The following CLNS1A variants were observed in gnomAD, a reference collection of about 807,000 sequenced individuals.
CLNS1A encodes chloride nucleotide-sensitive channel 1A.
CLNS1A carries 16 observed loss-of-function variants against 29.4 expected under a neutral mutation model. That is an observed-to-expected ratio of 0.54 (90% CI 0.37 to 0.83). The LOEUF (loss-of-function observed/expected upper bound fraction) is 0.83, where lower values mean the gene tolerates loss of function less well. Among genes scored for constraint, CLNS1A ranks in the 40% least tolerant of loss-of-function variants. The pLI is 0.00. For synonymous variants in CLNS1A, 96 were observed against 104.8 expected (o/e 0.92, Z 0.51); for missense variants, 235 against 287.4 (o/e 0.82, Z 1.32).
intron 1 of CLNS1A, 106 bp from the exon 2 acceptor site, chr11:77,630,005 T>G (rs1959059191): frequency 5.4e-6 from 5 of 924,314 alleles, no homozygotes; most frequent in Non-Finnish European, 6.2e-6. Context: ...TATAAATAAA[T>G]TCAAGTTTAC....
In CLNS1A at chr11:77,625,795, C is replaced by T; in HGVS notation, c.286G>A (p.Asp96Asn). 2 of 1,590,948 alleles carry T rather than the reference C, an allele frequency of 1.3e-6. No individual in the cohort carries two copies. Among genetic ancestry groups the T allele is most frequent in the African/African-American group, 2.7e-5 (2 of 74,570 alleles). ...TCATCACTGTCTTCCTCTTCTTCAT[C>T]AGCAACAGGTTCTTTTGATTCTTCT... is the stretch of plus-strand genomic sequence containing the variant. ...FEEESKEPVA[D>N]EEEEDSDDDV... The change falls in exon 3 of 7, where the codon GAT becomes AAT. Residue 96 changes from aspartate (D) to asparagine (N), a missense_variant. Asp to Asn is a conservative substitution (Grantham distance 23). Coordinates refer to ENST00000525428, the MANE Select transcript of CLNS1A (RefSeq NM_001293.3).
intron 1 of CLNS1A, among the ~76,000 whole-genome samples, chr11:77,630,585 A>T (rs1055079997): frequency 1.3e-5 from 2 of 152,220 alleles, no homozygotes; most frequent in African/African-American, 2.4e-5. Flanking sequence ...CAACGTCTTT[A>T]AGAGAAAGCC....
intron 1 of CLNS1A, among the ~76,000 whole-genome samples, chr11:77,631,027 T>G (rs887201102): frequency 9.2e-5 from 14 of 152,234 alleles, no homozygotes; most frequent in African/African-American, 3.1e-4. Context: ...TCATTCTATA[T>G]TCTATACAAT....
At chr11:77,618,144 A>G (rs1392748289) in intron 6 of CLNS1A, among the ~76,000 whole-genome samples, 3 of 152,204 alleles carry the variant, frequency 2.0e-5, no homozygotes, top group Non-Finnish European at 4.4e-5. Context: ...CTGATTAATA[A>G]TAGAGTGGCT....
Position 77,637,785 on chromosome 11 carries a change from C to T in CLNS1A, c.-71G>A, listed in dbSNP as rs1959150381. 1 of 1,468,538 alleles carries T rather than the reference C, an allele frequency of 6.8e-7. No homozygotes were observed. The highest frequency in any genetic ancestry group is 9.1e-7 in the Non-Finnish European group (1 of 1,100,906). 91.0% of individuals were successfully genotyped at this position (1,468,538 alleles called of 1,614,324 possible). On this transcript the variant is annotated 5_prime_UTR_variant, in exon 1 of 7. Coordinates refer to ENST00000525428, the MANE Select transcript of CLNS1A (RefSeq NM_001293.3). Reference sequence around the variant, plus strand: ...GCAATGCGTGCACCACACCGCCCGCCCTGGAAGAGGCAGTCACCCCGGAAG... The same window carrying T: ...GCAATGCGTGCACCACACCGCCCGCTCTGGAAGAGGCAGTCACCCCGGAAG...
At chr11:77,635,885 T>C (rs1384610891) in intron 1 of CLNS1A, among the ~76,000 whole-genome samples, 1 of 152,202 alleles carries the variant, frequency 6.6e-6, no homozygotes, top group Non-Finnish European at 1.5e-5. Context: ...TTGTTTTGAC[T>C]GCTCCTTCCT....
At chr11:77,618,818 T>C (rs938763678) in intron 6 of CLNS1A, 2 of 152,238 alleles carry the variant, frequency 1.3e-5, no homozygotes. Flanking sequence ...ATATTTATCA[T>C]TGCAGGGAAT....
Position 77,622,510 on chromosome 11 carries a change from T to A in CLNS1A, c.636A>T (p.Arg212Ser), listed in dbSNP as rs546073378. ...MAGVRTEDSIRDYEDGMEVDT... is the reference protein window; with the variant it reads ...MAGVRTEDSISDYEDGMEVDT... Reference sequence around the variant, plus strand: ...CAAAAGGACACTCACCTTCATAATCTCTTATTGAATCTTCTGTCCTGACCC... The same window carrying A: ...CAAAAGGACACTCACCTTCATAATCACTTATTGAATCTTCTGTCCTGACCC... Residue 212 changes from arginine to serine, a missense_variant, in exon 5 of 7, where the codon AGA becomes AGT. Transcript: ENST00000525428. 6.3e-7 allele frequency: 1 copy of A among 1,591,622 alleles called. No individual in the cohort carries two copies. Among genetic ancestry groups the A allele is most frequent in the African/African-American group, 1.4e-5 (1 of 73,988 alleles).
chr11:77,634,681 G>A (rs954939487), intron 1 of CLNS1A, among the ~76,000 whole-genome samples: 5 of 136,490 alleles, frequency 3.7e-5, no homozygotes, highest in African/African-American at 1.1e-4. Context: ...CCAAGGTCGC[G>A]CCACTGCACT....
intron 1 of CLNS1A, among the ~76,000 whole-genome samples, chr11:77,635,503 C>T (rs1959116204): frequency 1.3e-5 from 2 of 152,034 alleles, no homozygotes; most frequent in African/African-American, 4.8e-5. Flanking sequence ...AGGTGCACGC[C>T]ACCACACCCG....
intron 4 of CLNS1A, among the ~76,000 whole-genome samples, chr11:77,623,606 A>T (rs1213338451): frequency 6.6e-6 from 1 of 151,870 alleles, no homozygotes; most frequent in Non-Finnish European, 1.5e-5. Context: ...AAAAAAAAAA[A>T]TTAGAAATTC....
At chr11:77,617,735 T>A (rs1285359835) in intron 6 of CLNS1A, among the ~76,000 whole-genome samples, 1 of 151,574 alleles carries the variant, frequency 6.6e-6, no homozygotes, top group African/African-American at 2.4e-5. Flanking sequence ...CTGGCCAACA[T>A]GGTGAAACCC....
chr11:77,627,394 G>C (rs1294067827), intron 2 of CLNS1A, among the ~76,000 whole-genome samples: 2 of 149,358 alleles, frequency 1.3e-5, no homozygotes, highest in African/African-American at 4.9e-5. Flanking sequence ...AGTCAAGATC[G>C]CATCACTGCA....
chr11:77,627,749 T>C (rs924320485), intron 2 of CLNS1A, among the ~76,000 whole-genome samples: 1 of 152,230 alleles, frequency 6.6e-6, no homozygotes, highest in African/African-American at 2.4e-5. Flanking sequence ...GAGACTAATA[T>C]ACTCCCTTAA....
intron 5 of CLNS1A, chr11:77,621,826 CATTTA>C (rs2135762207): frequency 2.6e-6 from 1 of 387,694 alleles, no homozygotes; most frequent in Non-Finnish European, 5.1e-6. Flanking sequence ...TGGTGGGTCT[CATTTA>C]ATCAGCTGGA....
rs1958899336 is a variant in CLNS1A, at chr11:77,615,455, CTCTCTA to C, written c.*1257_*1262del. On this transcript the variant is annotated 3_prime_UTR_variant, in exon 7 of 7. Transcript: ENST00000525428. The stretch of plus-strand genomic sequence containing the variant: ...TGACCTTAAGCAAGTTATTTTACCT[CTCTCTA>C]TAACTCAGTTTCCTCAACTATAAAG... The C allele has an allele frequency of 6.6e-6, 1 of 152,172 alleles. No homozygotes were observed. 9.4% of individuals were successfully genotyped at this position (152,172 alleles called of 1,614,324 possible).
chr11:77,629,736 CATTAG>C, intron 2 of CLNS1A, 22 bp downstream of exon 2: 1 of 1,602,354 alleles, frequency 6.2e-7, no homozygotes, highest in Non-Finnish European at 8.5e-7. Context: ...TCAAAGGAGG[CATTAG>C]ATTAAATTAC....
At chr11:77,626,161 T>C (rs1959016539) in intron 2 of CLNS1A, among the ~76,000 whole-genome samples, 1 of 152,188 alleles carries the variant, frequency 6.6e-6, no homozygotes, top group South Asian at 2.1e-4. Context: ...TTGCCCAGAC[T>C]GGACACCCTT....
chr11:77,619,306 A>C (rs541388515), intron 6 of CLNS1A, among the ~76,000 whole-genome samples: 2 of 152,266 alleles, frequency 1.3e-5, no homozygotes, highest in Non-Finnish European at 2.9e-5. Context: ...CCGAGGAGGG[A>C]GAATCATTTG....
Sources: allele counts gnomAD v4.1 joint callset (sites outside exome capture counted in the v4.1 genomes callset), GRCh38; gene constraint gnomAD v4.1.1; transcripts MANE v1.5; gene names NCBI Gene and HGNC (gene_info 2026-07-23, HGNC 2026-07-21).